Variants in ESRRG observed in about 807,000 individuals in gnomAD.
The protein encoded by ESRRG is estrogen-related receptor gamma.
A neutral mutation model predicts 44.0 loss-of-function variants in ESRRG; 13 were observed. That is an observed-to-expected ratio of 0.30 (90% confidence interval 0.19 to 0.47). The LOEUF is 0.47. Ranked by LOEUF, ESRRG falls within the 20% of genes least tolerant of loss-of-function variation. The probability of loss-of-function intolerance (pLI) is 1.00; values close to 1 mark genes in which losing one functional copy is unlikely to be tolerated. For missense variants in ESRRG, 395 were observed against 580.6 expected (o/e 0.68, Z 3.29); for synonymous variants, 215 against 214.6 (o/e 1.00, Z -0.02).
chr1:216,581,918 T>C (rs901866502), intron 3 of ESRRG, among the ~76,000 whole-genome samples: 1 of 152,248 alleles, frequency 6.6e-6, no homozygotes, highest in Non-Finnish European at 1.5e-5. Context: ...TTCTAGTCTT[T>C]GGTGTCTATA....
chr1:217,050,404 A>G (rs2085708371), intron 1 of ESRRG, among the ~76,000 whole-genome samples: 1 of 152,192 alleles, frequency 6.6e-6, no homozygotes, highest in Non-Finnish European at 1.5e-5. Flanking sequence ...CAGCTTTATC[A>G]TCTGAGGTCT....
chr1:216,723,205 C>T (rs181465596), intron 1 of ESRRG, 39 bp downstream of exon 1: 1 of 1,565,074 alleles, frequency 6.4e-7, no homozygotes, highest in Non-Finnish European at 8.8e-7. Flanking sequence ...CCCCGCACCC[C>T]CACGACGAGT....
intron 5 of ESRRG, among the ~76,000 whole-genome samples, chr1:216,523,490 G>GTTT (rs749747909): frequency 1.2e-4 from 15 of 126,356 alleles, no homozygotes; most frequent in Admixed American, 2.3e-4. Context: ...ATCAAGCACT[G>GTTT]TTTTTTTTTT....
chr1:217,045,182 C>T (rs1384749002), intron 1 of ESRRG, among the ~76,000 whole-genome samples: 1 of 152,142 alleles, frequency 6.6e-6, no homozygotes, highest in African/African-American at 2.4e-5. Flanking sequence ...CCAAGGCACT[C>T]TTTGTGCATG....
intron 1 of ESRRG, among the ~76,000 whole-genome samples, chr1:216,705,051 AAC>A (rs1160460692): frequency 5.3e-5 from 8 of 152,206 alleles, no homozygotes; most frequent in Non-Finnish European, 1.5e-5. Context: ...TCCTGATTGC[AAC>A]AGTGTCTATT....
intron 2 of ESRRG, among the ~76,000 whole-genome samples, chr1:216,810,731 A>G (rs2094943299): frequency 1.4e-5 from 2 of 148,086 alleles, no homozygotes; most frequent in Admixed American, 1.4e-4. Context: ...TATGATATAC[A>G]CATGTATATA....
intron 3 of ESRRG, among the ~76,000 whole-genome samples, chr1:216,618,758 A>G (rs951573061): frequency 6.6e-5 from 10 of 152,190 alleles, no homozygotes; most frequent in East Asian, 3.9e-4. Flanking sequence ...TTTGCCTTCT[A>G]TGTTTAAGGT....
chr1:216,999,671 G>C (rs765258477), intron 1 of ESRRG, among the ~76,000 whole-genome samples: 1 of 152,114 alleles, frequency 6.6e-6, no homozygotes, highest in Non-Finnish European at 1.5e-5. Context: ...TCGCTTGTTC[G>C]TTCAGCAAAC....
At chr1:216,516,473 A>G (rs1030007369) in intron 6 of ESRRG, among the ~76,000 whole-genome samples, 6 of 152,118 alleles carry the variant, frequency 3.9e-5, no homozygotes, top group African/African-American at 1.2e-4. Flanking sequence ...ATAAAGACCA[A>G]TGTTTAAAAT....
At chr1:217,033,793 G>A (rs2082423199) in intron 1 of ESRRG, among the ~76,000 whole-genome samples, 1 of 152,280 alleles carries the variant, frequency 6.6e-6, no homozygotes, top group African/African-American at 2.4e-5. Flanking sequence ...TGGGTTCTTT[G>A]GAGTAGGCAG....
At chr1:217,137,036 C>T (rs540275846) in intron 1 of ESRRG, among the ~76,000 whole-genome samples, 28 of 152,224 alleles carry the variant, frequency 1.8e-4, no homozygotes, top group South Asian at 6.2e-4. Flanking sequence ...GAGTCAAGCC[C>T]GTCCCGTGGG....
At chr1:216,838,880 G>T (rs1426631424) in intron 2 of ESRRG, among the ~76,000 whole-genome samples, 1 of 152,178 alleles carries the variant, frequency 6.6e-6, no homozygotes, top group African/African-American at 2.4e-5. Context: ...TAATCTTTTT[G>T]CTGGTGGAGT....
chr1:217,033,768 G>C (rs2082419163), intron 1 of ESRRG, among the ~76,000 whole-genome samples: 1 of 152,194 alleles, frequency 6.6e-6, no homozygotes, highest in Non-Finnish European at 1.5e-5. Context: ...AATAATAATA[G>C]CTAAGTAGCT....
rs115878307 is a variant in ESRRG, at chr1:216,689,899, C to T, written c.57-12408G>A. Reference sequence around the variant, plus strand: ...ATAATTTTTAGAGTTCCTATTTCAGCTCCAAATTAAAGAAAATTTTCAGTT... The same window carrying T: ...ATAATTTTTAGAGTTCCTATTTCAGTTCCAAATTAAAGAAAATTTTCAGTT... On this transcript the variant is annotated intron_variant, in intron 1 of 6. Coordinates refer to ENST00000408911, the MANE Select transcript of ESRRG (RefSeq NM_001438.4). 9.7e-3 allele frequency among the ~76,000 whole-genome samples: 1,468 copies of T among 152,050 alleles called. 20 individuals are homozygous for T. Among genetic ancestry groups the T allele is most frequent in the African/African-American group, 0.034 (1,391 of 41,508 alleles).
intron 2 of ESRRG, among the ~76,000 whole-genome samples, chr1:216,744,163 G>A (rs945667889): frequency 2.6e-5 from 4 of 152,212 alleles, no homozygotes; most frequent in African/African-American, 9.6e-5. Context: ...CCATGAGGGA[G>A]TAAGAAATAC....
At chr1:217,102,433 C>T (rs998885973) in intron 1 of ESRRG, among the ~76,000 whole-genome samples, 1 of 152,198 alleles carries the variant, frequency 6.6e-6, no homozygotes, top group Non-Finnish European at 1.5e-5. Flanking sequence ...GATGTACATG[C>T]TGTTAAAACT....
At chr1:216,659,748 C>T (rs933258843) in intron 2 of ESRRG, among the ~76,000 whole-genome samples, 2 of 152,154 alleles carry the variant, frequency 1.3e-5, no homozygotes, top group African/African-American at 4.8e-5. Flanking sequence ...GTGGATGTAA[C>T]TAGTTCATCC....
intron 2 of ESRRG, among the ~76,000 whole-genome samples, chr1:216,790,924 C>T (rs1475229617): frequency 1.3e-5 from 2 of 152,042 alleles, no homozygotes; most frequent in Non-Finnish European, 2.9e-5. Flanking sequence ...AGAACCTCAA[C>T]ATTGTGAAAC....
chr1:216,613,700 A>C (rs1009706434), intron 3 of ESRRG, among the ~76,000 whole-genome samples: 1 of 152,218 alleles, frequency 6.6e-6, no homozygotes, highest in East Asian at 1.9e-4. Context: ...TTCAGGTTAC[A>C]TTAATAATGC....
Sources: allele counts gnomAD v4.1 joint callset (sites outside exome capture counted in the v4.1 genomes callset), GRCh38; gene constraint gnomAD v4.1.1; transcripts MANE v1.5; gene names NCBI Gene and HGNC (gene_info 2026-07-23, HGNC 2026-07-21).